Variants in VSTM4 observed in about 807,000 individuals in gnomAD.
VSTM4 encodes the protein V-set and transmembrane domain containing 4, also known as V-set and transmembrane domain-containing protein 4.
In VSTM4, 20 loss-of-function variants were observed where a neutral mutation model predicts 36.4. The ratio of observed to expected loss-of-function variants is 0.55; its 90% CI spans 0.39 to 0.80. The LOEUF (loss-of-function observed/expected upper bound fraction) is 0.80. Ranked by LOEUF, VSTM4 falls within the 30% of genes least tolerant of loss-of-function variation. The pLI is 0.00. For missense variants in VSTM4, 392 were observed against 404.5 expected, an observed-to-expected ratio of 0.97 and a Z score of 0.26; for synonymous variants, 182 against 173.9, an observed-to-expected ratio of 1.05 and a Z score of -0.37.
intron 4 of VSTM4, among the ~76,000 whole-genome samples, chr10:49,066,877 T>C (rs1213480040): frequency 6.6e-6 from 1 of 152,098 alleles, no homozygotes; most frequent in African/African-American, 2.4e-5. Context: ...ATCTTACAGA[T>C]AAGTAAAATA....
At chr10:49,038,044 G>C (rs943138059) in intron 7 of VSTM4, among the ~76,000 whole-genome samples, 1 of 152,058 alleles carries the variant, frequency 6.6e-6, no homozygotes, top group Non-Finnish European at 1.5e-5. Context: ...TTGGAAAACA[G>C]TGTAGCAGTT....
At chr10:49,086,358 G>T (rs1287543004) in intron 2 of VSTM4, among the ~76,000 whole-genome samples, 2 of 152,138 alleles carry the variant, frequency 1.3e-5, no homozygotes, top group African/African-American at 4.8e-5. Context: ...CATTTTAGTG[G>T]GAATCTTTCT....
At chr10:49,103,609 T>A in intron 2 of VSTM4, 1 of 1,469,238 alleles carries the variant, frequency 6.8e-7, no homozygotes. Flanking sequence ...TGGGAGTTAT[T>A]TTTTAAATAT....
At chr10:49,067,734 G>C (rs1453318485) in intron 4 of VSTM4, among the ~76,000 whole-genome samples, 1 of 152,226 alleles carries the variant, frequency 6.6e-6, no homozygotes, top group African/African-American at 2.4e-5. Flanking sequence ...CATGCAGTAT[G>C]TGGTACTTTG....
intron 2 of VSTM4, among the ~76,000 whole-genome samples, chr10:49,092,381 T>G (rs1042206209): frequency 1.3e-5 from 2 of 152,168 alleles, no homozygotes; most frequent in African/African-American, 4.8e-5. Context: ...AGGAGAGTCC[T>G]GCTGTGAGAA....
At chr10:49,068,636 T>A (rs894839600) in intron 4 of VSTM4, among the ~76,000 whole-genome samples, 1 of 152,160 alleles carries the variant, frequency 6.6e-6, no homozygotes, top group Non-Finnish European at 1.5e-5. Flanking sequence ...CCCTTAAATA[T>A]GCATAGCATA....
intron 1 of VSTM4, among the ~76,000 whole-genome samples, chr10:49,112,039 T>C (rs1457412478): frequency 6.6e-6 from 1 of 152,176 alleles, no homozygotes; most frequent in Non-Finnish European, 1.5e-5. Flanking sequence ...AGGGACCCTG[T>C]ACAGGCTGGA....
chr10:49,033,620 C>T (rs981116390), intron 7 of VSTM4, among the ~76,000 whole-genome samples: 1 of 152,200 alleles, frequency 6.6e-6, no homozygotes, highest in African/African-American at 2.4e-5. Context: ...TTACCAAGTA[C>T]TTTTGACAAA....
chr10:49,053,271 C>T (rs772283443), intron 5 of VSTM4, among the ~76,000 whole-genome samples: 3 of 152,176 alleles, frequency 2.0e-5, no homozygotes, highest in Non-Finnish European at 4.4e-5. Flanking sequence ...GGCAGGATGT[C>T]GCACGTGCAG....
intron 1 of VSTM4, among the ~76,000 whole-genome samples, chr10:49,109,979 A>C (rs1245549031): frequency 6.6e-6 from 1 of 152,186 alleles, no homozygotes; most frequent in Non-Finnish European, 1.5e-5. Flanking sequence ...CACAGCTCCC[A>C]CGGCAGGAGC....
chr10:49,085,504 G>A (rs146468073), intron 3 of VSTM4, among the ~76,000 whole-genome samples: 34 of 152,226 alleles, frequency 2.2e-4, no homozygotes, highest in East Asian at 1.3e-3. Context: ...TTGAAGATTC[G>A]TCCCTAATAT....
chr10:49,045,439 C>G (rs1249688956), intron 7 of VSTM4, among the ~76,000 whole-genome samples: 1 of 152,132 alleles, frequency 6.6e-6, no homozygotes, highest in Non-Finnish European at 1.5e-5. Context: ...ACCCTTAGTG[C>G]ACCATAGTAA....
At chr10:49,110,963 G>A (rs138232089) in intron 1 of VSTM4, among the ~76,000 whole-genome samples, 14 of 152,358 alleles carry the variant, frequency 9.2e-5, no homozygotes, top group Non-Finnish European at 2.1e-4. Flanking sequence ...GGTGGGTGGT[G>A]TGGTTAGAAC....
chr10:49,112,684 C>T (rs986309525), intron 1 of VSTM4, among the ~76,000 whole-genome samples: 4 of 152,220 alleles, frequency 2.6e-5, no homozygotes, highest in African/African-American at 9.6e-5. Flanking sequence ...GAAGTCCTCA[C>T]ACCCCAACAT....
intron 4 of VSTM4, among the ~76,000 whole-genome samples, chr10:49,075,413 CCATGTGCTGAG>C (rs946074855): frequency 6.6e-6 from 1 of 152,258 alleles, no homozygotes; most frequent in African/African-American, 2.4e-5. Context: ...CATTTGTCCA[CCATGTGCTGAG>C]CATCTGTCCT....
At chr10:49,109,083 CT>C (rs2132029178) in intron 1 of VSTM4, among the ~76,000 whole-genome samples, 1 of 152,312 alleles carries the variant, frequency 6.6e-6, no homozygotes, top group South Asian at 2.1e-4. Context: ...GTCCCCACCC[CT>C]GTACTGCCCC....
intron 4 of VSTM4, among the ~76,000 whole-genome samples, chr10:49,067,178 G>A (rs897943482): frequency 6.6e-6 from 1 of 151,616 alleles, no homozygotes; most frequent in African/African-American, 2.4e-5. Context: ...CATTTATGAT[G>A]AAAAAGTTTA....
At chr10:49,064,759 A>C (rs556893603) in intron 4 of VSTM4, 23 bp from the exon 5 acceptor site, 1 of 1,610,676 alleles carries the variant, frequency 6.2e-7, no homozygotes, top group South Asian at 1.1e-5. Context: ...AAATAATAGA[A>C]GATGGTAAAC....
At chr10:49,094,910 C>T (rs1844541933) in intron 2 of VSTM4, among the ~76,000 whole-genome samples, 1 of 152,122 alleles carries the variant, frequency 6.6e-6, no homozygotes, top group Non-Finnish European at 1.5e-5. Flanking sequence ...GGCAGTCTCC[C>T]CTGGGGCTCA....
Sources: gnomAD v4.1 joint callset for allele counts (sites outside exome capture counted in the v4.1 genomes callset) on GRCh38, gnomAD v4.1.1 for gene constraint, MANE v1.5 for transcripts, NCBI Gene and HGNC (gene_info 2026-07-23, HGNC 2026-07-21) for gene names.